ANK2: variants seen among roughly 807,000 people sequenced by gnomAD.
The protein encoded by ANK2 is ankyrin 2, also known as ankyrin-2.
In ANK2, 83 loss-of-function variants were observed where a neutral mutation model predicts 360.5. The observed-to-expected ratio is 0.23, with a 90% CI of 0.19 to 0.28. The LOEUF (loss-of-function observed/expected upper bound fraction) is 0.28, where lower values mean the gene tolerates loss of function less well. ANK2 is among the 10% of genes least tolerant of loss of function. The pLI, the probability that ANK2 is intolerant of heterozygous loss-of-function variation, is 1.00. For missense variants in ANK2, 4,201 were observed against 4,795.7 expected (o/e 0.88, Z 3.66); for synonymous variants, 1,740 against 1,759.5 (o/e 0.99, Z 0.28).
At chr4:113,255,470 T>C (rs919164603) in intron 10 of ANK2, among the ~76,000 whole-genome samples, 1 of 152,188 alleles carries the variant, frequency 6.6e-6, no homozygotes, top group African/African-American at 2.4e-5. Context: ...AACTGTAAAA[T>C]CAGGCTAAAT....
intron 21 of ANK2, among the ~76,000 whole-genome samples, chr4:113,292,728 CTT>C: frequency 6.6e-6 from 1 of 152,280 alleles, no homozygotes; most frequent in East Asian, 1.9e-4. Flanking sequence ...CAGCCTGACT[CTT>C]TGGCTCTCTC....
chr4:113,296,969 A>G lies in ANK2; in HGVS notation c.2475+3431A>G, dbSNP rs2071944171. Among the ~76,000 whole-genome samples the G allele has an allele frequency of 2.6e-5, 4 of 152,268 alleles. No individual in the cohort carries two copies. The South Asian group carries it at 8.3e-4, about 31-fold the overall frequency. ...AATAAATTAGTAAAATAAAAATATT[A>G]TCTTATATTATTACTTGAACATTAG... On this transcript the variant is annotated intron_variant, in intron 22 of 45. Coordinates refer to ENST00000357077, the MANE Select transcript of ANK2 (RefSeq NM_001148.6).
chr4:112,850,773 C>T (rs2064784368), intron 1 of ANK2, among the ~76,000 whole-genome samples: 1 of 151,878 alleles, frequency 6.6e-6, no homozygotes, highest in Non-Finnish European at 1.5e-5. Context: ...GCCTCTGCCT[C>T]CCAAAGTGCT....
intron 2 of ANK2, among the ~76,000 whole-genome samples, chr4:112,973,520 A>C (rs1392435466): frequency 6.6e-6 from 1 of 152,152 alleles, no homozygotes; most frequent in Admixed American, 6.5e-5. Context: ...TACTGAGTTC[A>C]GTTGCATTGC....
At chr4:113,046,920 T>A (rs1289776907), upstream of ANK2, among the ~76,000 whole-genome samples, 3 of 152,246 alleles carry the variant, frequency 2.0e-5, no homozygotes, top group African/African-American at 7.2e-5. Context: ...CGAAGTATAT[T>A]TGTTTTCAAT....
At chr4:112,888,965 T>C (rs2079158923) in intron 1 of ANK2, among the ~76,000 whole-genome samples, 1 of 152,112 alleles carries the variant, frequency 6.6e-6, no homozygotes, top group Non-Finnish European at 1.5e-5. Flanking sequence ...TTAATAGTGA[T>C]AGAAAAAAGA....
intron 2 of ANK2, among the ~76,000 whole-genome samples, chr4:113,002,852 C>A (rs912524494): frequency 2.0e-5 from 3 of 152,198 alleles, no homozygotes; most frequent in Non-Finnish European, 4.4e-5. Flanking sequence ...CATATTTCCT[C>A]TGGGAAACTA....
At chr4:112,998,363 T>C (rs2049381547) in intron 2 of ANK2, among the ~76,000 whole-genome samples, 1 of 152,200 alleles carries the variant, frequency 6.6e-6, no homozygotes, top group African/African-American at 2.4e-5. Context: ...CTGTTAATAC[T>C]GAGTACCATT....
the ANK2 span, among the ~76,000 whole-genome samples, chr4:112,731,122 A>C: frequency 6.6e-6 from 1 of 150,868 alleles, no homozygotes; most frequent in Non-Finnish European, 1.5e-5. Context: ...GTCTGGCGAC[A>C]GAGCAAGACT....
chr4:113,222,391 AT>A (rs397880062), intron 4 of ANK2, among the ~76,000 whole-genome samples: 44,948 of 122,416 alleles, frequency 0.37, 6,606 homozygotes, highest in African/African-American at 0.48. Context: ...CTCTGAAACA[AT>A]TTTTTTTTTT....
At chr4:112,711,332 G>A in the ANK2 span, among the ~76,000 whole-genome samples, 4 of 152,084 alleles carry the variant, frequency 2.6e-5, no homozygotes, top group African/African-American at 9.7e-5. Context: ...CGACCAGCCT[G>A]GGCAACATGG....
chr4:112,728,594 T>C, the ANK2 span, among the ~76,000 whole-genome samples: 1 of 151,748 alleles, frequency 6.6e-6, no homozygotes, highest in Non-Finnish European at 1.5e-5. Context: ...CTACTAAAAA[T>C]ACAAAAAATT....
At chr4:113,217,089 A>G (rs1352615239) in intron 4 of ANK2, 2 of 152,168 alleles carry the variant, frequency 1.3e-5, no homozygotes, top group African/African-American at 4.8e-5. Context: ...CTCGACACAT[A>G]TGAGAATTCT....
intron 4 of ANK2, among the ~76,000 whole-genome samples, chr4:113,218,373 T>C (rs2099110734): frequency 6.6e-6 from 1 of 152,052 alleles, no homozygotes; most frequent in Non-Finnish European, 1.5e-5. Flanking sequence ...GTCAGTATAT[T>C]TGTGTCAGAA....
intron 1 of ANK2, among the ~76,000 whole-genome samples, chr4:113,156,463 C>T (rs1354986937): frequency 4.0e-5 from 6 of 149,862 alleles, no homozygotes; most frequent in African/African-American, 7.3e-5. Context: ...CTCCGCCTCC[C>T]GGGCTCAAGT....
the ANK2 span, among the ~76,000 whole-genome samples, chr4:112,713,623 C>G: frequency 2.0e-5 from 3 of 152,062 alleles, no homozygotes; most frequent in African/African-American, 7.2e-5. Flanking sequence ...TTTTATTTCT[C>G]TTGGGTGTGC....
At chr4:112,842,823 A>G (rs868492005) in intron 1 of ANK2, among the ~76,000 whole-genome samples, 2 of 152,248 alleles carry the variant, frequency 1.3e-5, no homozygotes, top group Non-Finnish European at 2.9e-5. Context: ...ACAAAGCTCT[A>G]TTTAAGACAA....
chr4:112,983,301 T>A (rs796978359), intron 2 of ANK2, among the ~76,000 whole-genome samples: 1 of 151,642 alleles, frequency 6.6e-6, no homozygotes, highest in Non-Finnish European at 1.5e-5. Flanking sequence ...GTGACAAAAA[T>A]AACTATGCTC....
At chr4:113,373,937 T>C (rs900664666) in intron 45 of ANK2, among the ~76,000 whole-genome samples, 2 of 152,192 alleles carry the variant, frequency 1.3e-5, no homozygotes, top group Non-Finnish European at 2.9e-5. Flanking sequence ...CCTTGTTTTT[T>C]GTTTTAAGAC....
Sources: allele counts gnomAD v4.1 joint callset (sites outside exome capture counted in the v4.1 genomes callset), GRCh38; gene constraint gnomAD v4.1.1; transcripts MANE v1.5; gene names NCBI Gene and HGNC (gene_info 2026-07-23, HGNC 2026-07-21).